RIPOR3: variants seen among roughly 807,000 people sequenced by gnomAD.
The protein encoded by RIPOR3 is RIPOR family member 3, also known as family with sequence similarity 65 member C.
RIPOR3 carries 95 observed loss-of-function variants against 114.3 expected under a neutral mutation model. The ratio of observed to expected loss-of-function variants is 0.83; its 90% CI spans 0.70 to 0.99. The LOEUF (loss-of-function observed/expected upper bound fraction) is 0.99. Ranked by LOEUF, RIPOR3 falls within the 50% of genes least tolerant of loss-of-function variation. The pLI, the probability that RIPOR3 is intolerant of heterozygous loss-of-function variation, is 0.00. For synonymous variants in RIPOR3, 575 were observed against 543.8 expected, an observed-to-expected ratio of 1.06 and a Z score of -0.80; for missense variants, 1,252 against 1,266.9, an observed-to-expected ratio of 0.99 and a Z score of 0.18.
At chr20:50,670,674 G>A (rs1195088989) in intron 1 of RIPOR3, among the ~76,000 whole-genome samples, 1 of 152,142 alleles carries the variant, frequency 6.6e-6, no homozygotes, top group Non-Finnish European at 1.5e-5. Flanking sequence ...GTGTTAGTAG[G>A]CGCTCAGTAA....
At chr20:50,611,387 C>T (rs1388492258) in intron 4 of RIPOR3, among the ~76,000 whole-genome samples, 183 bp from the exon 5 acceptor site, 1 of 152,354 alleles carries the variant, frequency 6.6e-6, no homozygotes, top group Admixed American at 6.5e-5. Flanking sequence ...CCAAGGACAG[C>T]ACTGATTAAA....
At chr20:50,630,222 A>G (rs1390893109) in intron 2 of RIPOR3, among the ~76,000 whole-genome samples, 1 of 151,450 alleles carries the variant, frequency 6.6e-6, no homozygotes, top group Non-Finnish European at 1.5e-5. Context: ...CCCGCCTTGG[A>G]CTCCCAAAGT....
chr20:50,691,070 C>G lies in RIPOR3; in HGVS notation c.3+56G>C, dbSNP rs1488721353. ...TCCTGTCACCCCCAGCTCCAGAAGT[C>G]TGTCCACACAAGGCGGCGTCACGGC... On this transcript the variant is annotated intron_variant, in intron 1 of 21. Coordinates refer to ENST00000327979, the MANE Select transcript of RIPOR3 (RefSeq NM_001290268.2). The G allele has an allele frequency of 3.1e-6, 4 of 1,289,546 alleles. No individual in the cohort carries two copies. The East Asian group carries it at 2.2e-4, about 72-fold the overall frequency. The allele number at this position is 1,289,546 out of a possible 1,614,324, so 79.9% of individuals were successfully genotyped here.
chr20:50,656,383 G>A (rs1032494948), intron 1 of RIPOR3, among the ~76,000 whole-genome samples: 8 of 152,130 alleles, frequency 5.3e-5, no homozygotes, highest in African/African-American at 1.7e-4. Context: ...TTGATTGTTG[G>A]GAGGAGTAAA....
Position 50,592,406 on chromosome 20 carries a change from C to G in RIPOR3, c.2515G>C (p.Val839Leu). ...ALLQLDGTPR[V>L]CRAASARLAG... ...AGGCGAGCGCTGGCCGCCCTGCACA[C>G]CCTCGGAGTGCCGTCCAGCTGGAGC... The change falls in exon 19 of 22, where the codon GTG becomes CTG. Residue 839 changes from valine to leucine, a missense_variant. By Grantham distance (32) the Val-to-Leu change is conservative. Coordinates refer to ENST00000327979, the MANE Select transcript of RIPOR3 (RefSeq NM_001290268.2). 1 of 1,611,846 alleles carries G rather than the reference C, an allele frequency of 6.2e-7. No individual in the cohort carries two copies. Among genetic ancestry groups the G allele is most frequent in the South Asian group, 1.1e-5 (1 of 90,898 alleles).
chr20:50,691,266 C>T lies in RIPOR3; in HGVS notation c.-138G>A. ...CGAGCTAGGGCTCTGCAAATTCCAT[C>T]CACACTGGCCACCAGCCGCTGGTCC... On this transcript the variant is annotated 5_prime_UTR_variant, in exon 1 of 22. Transcript: ENST00000327979. 9.2e-7 allele frequency: 1 copy of T among 1,092,800 alleles called. No homozygotes were observed. Among genetic ancestry groups the T allele is most frequent in the Non-Finnish European group, 1.2e-6 (1 of 817,816 alleles). The allele number at this position is 1,092,800 out of a possible 1,614,324, so 67.7% of individuals were successfully genotyped here.
At chr20:50,618,634 C>T (rs1028577160) in intron 3 of RIPOR3, among the ~76,000 whole-genome samples, 1 of 152,208 alleles carries the variant, frequency 6.6e-6, no homozygotes, top group African/African-American at 2.4e-5. Flanking sequence ...CTCTGTGGCC[C>T]TTACTACCAT....
chr20:50,605,162 G>T (rs571506940), intron 11 of RIPOR3, among the ~76,000 whole-genome samples: 4 of 152,140 alleles, frequency 2.6e-5, no homozygotes, highest in African/African-American at 9.6e-5. Context: ...CGAACTTCTG[G>T]GCTCAAGCAA....
chr20:50,612,462 G>T (rs984041888), intron 4 of RIPOR3, among the ~76,000 whole-genome samples: 3 of 152,134 alleles, frequency 2.0e-5, no homozygotes, highest in African/African-American at 7.2e-5. Flanking sequence ...TTAATTTCCA[G>T]TGGAGATTAG....
chr20:50,651,939 G>A (rs1276967839), intron 1 of RIPOR3, among the ~76,000 whole-genome samples: 3 of 152,158 alleles, frequency 2.0e-5, no homozygotes, highest in African/African-American at 7.2e-5. Flanking sequence ...GAAAGTAGAT[G>A]GTACATGTGT....
chr20:50,645,030 C>G (rs535925367), intron 1 of RIPOR3, among the ~76,000 whole-genome samples: 1 of 152,038 alleles, frequency 6.6e-6, no homozygotes, highest in South Asian at 2.1e-4. Context: ...TTAGTAGAGA[C>G]AGGGTTTCAT....
intron 17 of RIPOR3, among the ~76,000 whole-genome samples, 158 bp from the exon 18 acceptor site, chr20:50,593,354 CCT>C (rs2083176802): frequency 6.6e-5 from 10 of 152,132 alleles, no homozygotes; most frequent in Admixed American, 6.5e-4. Flanking sequence ...GGGCAGATCA[CCT>C]GAGGTCAGGA....
At chr20:50,660,459 A>G (rs1308918555) in intron 1 of RIPOR3, among the ~76,000 whole-genome samples, 2 of 152,158 alleles carry the variant, frequency 1.3e-5, no homozygotes, top group Non-Finnish European at 2.9e-5. Context: ...TCTCACAGCA[A>G]TGAGTTAGAT....
chr20:50,610,480 C>T (rs1258818740), intron 6 of RIPOR3, among the ~76,000 whole-genome samples: 1 of 152,188 alleles, frequency 6.6e-6, no homozygotes, highest in East Asian at 1.9e-4. Flanking sequence ...TGCTATGCGA[C>T]CTTGGGCCAA....
intron 1 of RIPOR3, among the ~76,000 whole-genome samples, chr20:50,657,053 G>A (rs1454767684): frequency 6.6e-6 from 1 of 152,176 alleles, no homozygotes; most frequent in East Asian, 1.9e-4. Context: ...ACTTAGCACT[G>A]CAAGTTGCTT....
At position 50,597,675 on chromosome 20, in the gene RIPOR3, C is replaced by T. The variant is rs141110010; in HGVS notation, c.1695G>A (p.Glu565=). 86 of 1,612,022 alleles carry T rather than the reference C, an allele frequency of 5.3e-5. No individual in the cohort carries two copies. The Middle Eastern group carries it at 2.1e-3, about 40-fold the overall frequency. ...TCTCCAGGATGCACTCCATCAGGCT[C>T]TCGGCCGAGGTGTGCTCCTGCCGTG... ...CRARQEHTSA[E]SLMECILESF... The change falls in exon 14 of 22, where the codon GAG becomes GAA. Residue 565 remains glutamate, a synonymous_variant. Transcript: ENST00000327979.
chr20:50,690,961 A>G (rs2087192031), intron 1 of RIPOR3, among the ~76,000 whole-genome samples, 165 bp downstream of exon 1: 1 of 152,168 alleles, frequency 6.6e-6, no homozygotes, highest in Admixed American at 6.5e-5. Context: ...ACAGCACGAT[A>G]CCGCCATCCC....
At chr20:50,637,868 TCGTC>T (rs1157251192) in intron 1 of RIPOR3, among the ~76,000 whole-genome samples, 3 of 152,114 alleles carry the variant, frequency 2.0e-5, no homozygotes, top group African/African-American at 7.2e-5. Flanking sequence ...AAGCAAGACT[TCGTC>T]TCAAAAAAAA....
chr20:50,671,700 G>A (rs2086503151), intron 1 of RIPOR3, among the ~76,000 whole-genome samples: 1 of 152,180 alleles, frequency 6.6e-6, no homozygotes, highest in South Asian at 2.1e-4. Flanking sequence ...TGAGGACCAC[G>A]AAAATGAATG....
Sources: gnomAD v4.1 joint callset for allele counts (sites outside exome capture counted in the v4.1 genomes callset) on GRCh38, gnomAD v4.1.1 for gene constraint, MANE v1.5 for transcripts, NCBI Gene and HGNC (gene_info 2026-07-23, HGNC 2026-07-21) for gene names.